BACH2: variants seen among roughly 807,000 people sequenced by gnomAD.
BACH2 encodes the protein transcription regulator protein BACH2.
A neutral mutation model predicts 61.8 loss-of-function variants in BACH2; 5 were observed. The observed-to-expected ratio is 0.08, with a 90% CI of 0.04 to 0.17. The LOEUF is 0.17. BACH2 is among the 10% of genes least tolerant of loss of function. The pLI is 1.00. For synonymous variants in BACH2, 446 were observed against 440.1 expected (o/e 1.01, Z -0.17); for missense variants, 824 against 1,091.1 (o/e 0.76, Z 3.45).
chr6:89,997,883 T>TA (rs1776938459), intron 6 of BACH2, among the ~76,000 whole-genome samples: 1 of 152,150 alleles, frequency 6.6e-6, no homozygotes, highest in African/African-American at 2.4e-5. Flanking sequence ...TAATGCCACC[T>TA]CCAGGAATGA....
chr6:90,133,913 T>C lies in BACH2; in HGVS notation c.-161-44804A>G, dbSNP rs534831039. Among the ~76,000 whole-genome samples, 7 of 152,358 alleles carry C rather than the reference T, an allele frequency of 4.6e-5. No homozygotes were observed. In the East Asian group the frequency reaches 1.3e-3, roughly 29 times the overall value. Reference sequence around the variant, plus strand: ...TGCATAGTATTCCATGGTGTATATGTGCCACGTTTTCTTAATTCAGTCTAT... The same window carrying C: ...TGCATAGTATTCCATGGTGTATATGCGCCACGTTTTCTTAATTCAGTCTAT... On this transcript the variant is annotated intron_variant, in intron 4 of 8. Coordinates refer to ENST00000257749, the MANE Select transcript of BACH2 (RefSeq NM_021813.4).
chr6:90,232,001 G>GAGAGAGAGAGAGAC (rs1770115898), intron 3 of BACH2, among the ~76,000 whole-genome samples: 10 of 151,790 alleles, frequency 6.6e-5, no homozygotes, highest in Admixed American at 6.6e-5. Context: ...GAGAGAGAGA[G>GAGAGAGAGAGAGAC]AGAGAGAGAG....
chr6:89,951,629 A>G lies in BACH2; in HGVS notation c.477T>C (p.Ser159=), dbSNP rs1195644184. The change falls in exon 7 of 9, where the codon TCT becomes TCC. Residue 159 remains serine, a synonymous_variant. Transcript: ENST00000257749. The surrounding 1 kb of genome is among the most constrained non-coding windows in gnomAD (Gnocchi z 6.4). ...CQRPHEDCEN[S]AGEEEDEEEE... ...CCTCTTCATCCTCCTCCTCTCCTGC[A>G]GAGTTCTCGCAGTCCTCGTGTGGGC... The G allele has an allele frequency of 6.2e-7, 1 of 1,614,182 alleles. No individual in the cohort carries two copies. Among genetic ancestry groups the G allele is most frequent in the Non-Finnish European group, 8.5e-7 (1 of 1,180,026 alleles).
At chr6:90,108,678 A>G (rs1214859283) in intron 4 of BACH2, among the ~76,000 whole-genome samples, 1 of 152,234 alleles carries the variant, frequency 6.6e-6, no homozygotes. Flanking sequence ...GAAGAGAACC[A>G]AATGGTTGGG....
chr6:90,186,234 G>C (rs957755773), intron 4 of BACH2, among the ~76,000 whole-genome samples: 4 of 152,118 alleles, frequency 2.6e-5, no homozygotes, highest in African/African-American at 9.7e-5. Flanking sequence ...ATAAAATACA[G>C]GGAGACACAC....
chr6:89,960,833 G>A (rs976538500), intron 6 of BACH2, among the ~76,000 whole-genome samples: 12 of 152,208 alleles, frequency 7.9e-5, no homozygotes. Flanking sequence ...TAGGGGGAGC[G>A]TTACGTGTCC....
Position 90,239,798 on chromosome 6 carries a change from TACACACACACACAC to T in BACH2, c.-275+12701_-275+12714del, listed in dbSNP as rs59169449. Among the ~76,000 whole-genome samples, 134 of 132,286 alleles carry T rather than the reference TACACACACACACAC, an allele frequency of 1.0e-3. No individual in the cohort carries two copies. The East Asian group carries it at 0.014, about 14-fold the overall frequency. The allele number at this position is 132,286 out of a possible 152,430, so 86.8% of individuals were successfully genotyped here. A position where few individuals can be genotyped will look rare whatever the true frequency, so the allele number is the denominator to read the frequency against. On this transcript the variant is annotated intron_variant, in intron 3 of 8. Transcript: ENST00000257749. ...GATCTCCATAGTAAGGGGGGGGGAA[TACACACACACACAC>T]ACACACACACACACACACACACACA...
At chr6:90,165,593 T>A (rs548549877) in intron 4 of BACH2, among the ~76,000 whole-genome samples, 1 of 152,226 alleles carries the variant, frequency 6.6e-6, no homozygotes, top group East Asian at 1.9e-4. Flanking sequence ...AGAGCCCGCA[T>A]CGCCAAGTCA....
intron 5 of BACH2, among the ~76,000 whole-genome samples, chr6:90,049,319 A>G (rs1169767724): frequency 1.3e-5 from 2 of 152,214 alleles, no homozygotes; most frequent in Non-Finnish European, 2.9e-5. Flanking sequence ...AGTGTTATAA[A>G]AACAAAATAG....
At chr6:89,964,659 C>T (rs577215800) in intron 6 of BACH2, among the ~76,000 whole-genome samples, 10 of 152,256 alleles carry the variant, frequency 6.6e-5, no homozygotes, top group African/African-American at 2.2e-4. Flanking sequence ...GCCAATGTGG[C>T]AAATCAATAA....
intron 6 of BACH2, among the ~76,000 whole-genome samples, chr6:89,982,638 C>T (rs1776023459): frequency 1.3e-5 from 2 of 152,008 alleles, no homozygotes; most frequent in Admixed American, 1.3e-4. Flanking sequence ...TTGTGTGTAC[C>T]ATAATAAATA....
At chr6:90,278,561 T>C (rs1771764490) in intron 1 of BACH2, among the ~76,000 whole-genome samples, 1 of 152,252 alleles carries the variant, frequency 6.6e-6, no homozygotes, top group African/African-American at 2.4e-5. Context: ...GTAGACTATA[T>C]GTTTTCCCTA....
At chr6:90,068,088 C>T (rs964196339) in intron 5 of BACH2, among the ~76,000 whole-genome samples, 8 of 152,288 alleles carry the variant, frequency 5.3e-5, no homozygotes, top group African/African-American at 1.7e-4. Flanking sequence ...TGCACTTATT[C>T]TAATTATGTT....
At chr6:89,933,990 C>T (rs1362183551) in intron 8 of BACH2, among the ~76,000 whole-genome samples, 1 of 141,506 alleles carries the variant, frequency 7.1e-6, no homozygotes, top group African/African-American at 2.5e-5. Context: ...TCTCCCCGCA[C>T]CAAAAAAAAG....
chr6:90,094,277 C>A (rs1782293645), intron 4 of BACH2, among the ~76,000 whole-genome samples: 1 of 152,166 alleles, frequency 6.6e-6, no homozygotes, highest in Non-Finnish European at 1.5e-5. Context: ...TGATTGAATT[C>A]TTTATCCCAA....
chr6:90,074,115 G>C (rs887049285), intron 5 of BACH2, among the ~76,000 whole-genome samples: 5 of 152,282 alleles, frequency 3.3e-5, no homozygotes, highest in Admixed American at 3.3e-4. Context: ...AGTGAGACAA[G>C]TGATTTTCTT....
chr6:90,168,975 C>T (rs992671728), intron 4 of BACH2, among the ~76,000 whole-genome samples: 1 of 152,184 alleles, frequency 6.6e-6, no homozygotes, highest in Non-Finnish European at 1.5e-5. Context: ...AATGCTGAAA[C>T]TGTGAACTAT....
chr6:90,286,497 C>T (rs569402794), intron 1 of BACH2, among the ~76,000 whole-genome samples: 19 of 152,104 alleles, frequency 1.2e-4, no homozygotes, highest in Non-Finnish European at 2.5e-4. Flanking sequence ...CTTGATAGTC[C>T]GTGAAAATGT....
At chr6:90,111,934 T>C (rs541672912) in intron 4 of BACH2, among the ~76,000 whole-genome samples, 33 of 152,318 alleles carry the variant, frequency 2.2e-4, no homozygotes, top group Admixed American at 2.0e-3. Flanking sequence ...CAATGGGTGG[T>C]AGGATACCAT....
Sources: gnomAD v4.1 joint callset for allele counts (sites outside exome capture counted in the v4.1 genomes callset) on GRCh38, gnomAD v4.1.1 for gene constraint, Gnocchi (gnomAD v3.1) non-coding constraint, MANE v1.5 for transcripts, NCBI Gene and HGNC (gene_info 2026-07-23, HGNC 2026-07-21) for gene names.